CCDC60: variants seen among roughly 807,000 people sequenced by gnomAD.
The protein encoded by CCDC60 is coiled-coil domain-containing protein 60.
Under a neutral mutation model 63.5 loss-of-function variants are expected in CCDC60, and 54 were observed. That is an observed-to-expected ratio of 0.85 (90% CI 0.68 to 1.07). CCDC60 has a LOEUF of 1.07. Ranked by LOEUF, CCDC60 falls within the 50% of genes least tolerant of loss-of-function variation. The pLI is 0.00. For synonymous variants in CCDC60, 206 were observed against 238.8 expected, an observed-to-expected ratio of 0.86 and a Z score of 1.27; for missense variants, 651 against 684.3, an observed-to-expected ratio of 0.95 and a Z score of 0.54.
intron 5 of CCDC60, among the ~76,000 whole-genome samples, chr12:119,491,624 G>A (rs1230925392): frequency 2.0e-5 from 3 of 152,114 alleles, no homozygotes; most frequent in African/African-American, 4.8e-5. Flanking sequence ...CACTGTGCCC[G>A]GCCCCTTACA....
At chr12:119,352,377 G>A (rs1347098758) in intron 1 of CCDC60, among the ~76,000 whole-genome samples, 3 of 152,216 alleles carry the variant, frequency 2.0e-5, no homozygotes, top group Non-Finnish European at 4.4e-5. Flanking sequence ...AGGGTTCACT[G>A]TGTGCCAGGT....
intron 5 of CCDC60, among the ~76,000 whole-genome samples, chr12:119,499,157 CA>C (rs2136409281): frequency 6.6e-6 from 1 of 152,176 alleles, no homozygotes; most frequent in Non-Finnish European, 1.5e-5. Flanking sequence ...TCCAAAATGC[CA>C]AAATTATTAA....
chr12:119,446,519 A>C (rs575581410), intron 2 of CCDC60, among the ~76,000 whole-genome samples: 2 of 152,328 alleles, frequency 1.3e-5, no homozygotes, highest in African/African-American at 4.8e-5. Context: ...GTAGCTATAC[A>C]AAGATAAAAA....
At chr12:119,398,194 G>A (rs1031061703) in intron 1 of CCDC60, among the ~76,000 whole-genome samples, 5 of 151,258 alleles carry the variant, frequency 3.3e-5, no homozygotes, top group African/African-American at 1.2e-4. Flanking sequence ...CTGTGGGGAG[G>A]TGGCTGAGGC....
At chr12:119,430,725 G>A (rs1056428167) in intron 2 of CCDC60, among the ~76,000 whole-genome samples, 1 of 150,064 alleles carries the variant, frequency 6.7e-6, no homozygotes, top group Non-Finnish European at 1.5e-5. Flanking sequence ...TCAGCCATCT[G>A]CAAGCCTAGG....
Position 119,530,977 on chromosome 12 carries a change from C to A in CCDC60, c.1465C>A (p.Arg489=). ...LQKFGENLDL[R]IRPHVLLKVL... Reference sequence around the variant, plus strand: ...GAAGTTTGGAGAAAACCTGGACTTGCGGATTCGACCCCATGTCCTCCTGAA... The same window carrying A: ...GAAGTTTGGAGAAAACCTGGACTTGAGGATTCGACCCCATGTCCTCCTGAA... The change falls in exon 13 of 14, where the codon CGG becomes AGG. Residue 489 remains arginine (R), a synonymous_variant. Transcript: ENST00000327554. 1.9e-6 allele frequency: 3 copies of A among 1,614,132 alleles called. No individual in the cohort carries two copies. The highest frequency in any genetic ancestry group is 2.5e-6 in the Non-Finnish European group (3 of 1,179,978).
intron 1 of CCDC60, among the ~76,000 whole-genome samples, chr12:119,355,312 T>G (rs1396064889): frequency 6.6e-6 from 1 of 152,164 alleles, no homozygotes; most frequent in Non-Finnish European, 1.5e-5. Flanking sequence ...CCAGACAGAT[T>G]AGGAAGTTCC....
rs1956782875 is a variant in CCDC60 at position 119,420,006 on chromosome 12, A to T, written c.91-8677A>T. 6.6e-6 allele frequency among the ~76,000 whole-genome samples: 1 copy of T among 150,476 alleles called. No homozygotes were observed. The highest frequency in any genetic ancestry group is 2.4e-5 in the African/African-American group (1 of 40,830). ...ATTCTCCTGCCTCAGCCTCCCGAGT[A>T]GCTGGGACTACAGGCACCCACCACC... On this transcript the variant is annotated intron_variant, in intron 1 of 13. Transcript: ENST00000327554. This position sits in a 1 kb window ranked among gnomAD's most constrained non-coding sequence, Gnocchi z 4.1.
chr12:119,360,785 G>C (rs1301824194), intron 1 of CCDC60, among the ~76,000 whole-genome samples: 1 of 152,140 alleles, frequency 6.6e-6, no homozygotes, highest in African/African-American at 2.4e-5. Context: ...CAAGGCAGGC[G>C]GCTGGGAGGT....
intron 2 of CCDC60, among the ~76,000 whole-genome samples, chr12:119,440,229 TAAAATA>T (rs1950414812): frequency 6.6e-6 from 1 of 151,920 alleles, no homozygotes; most frequent in African/African-American, 2.4e-5. Context: ...AAAATAAAAT[TAAAATA>T]AAAAATAAAA....
intron 1 of CCDC60, among the ~76,000 whole-genome samples, chr12:119,367,995 C>T (rs74873236): frequency 0.058 from 8,675 of 148,418 alleles, 302 homozygotes; most frequent in Non-Finnish European, 0.071. Context: ...TTGAACTGTA[C>T]ACTTTAAATG....
At chr12:119,459,355 G>GA in intron 2 of CCDC60, among the ~76,000 whole-genome samples, 1 of 152,284 alleles carries the variant, frequency 6.6e-6, no homozygotes, top group Non-Finnish European at 1.5e-5. Context: ...ATGACAGTGA[G>GA]AAAAATCTGA....
intron 1 of CCDC60, among the ~76,000 whole-genome samples, chr12:119,363,435 G>A (rs1038466043): frequency 8.5e-5 from 13 of 152,086 alleles, no homozygotes; most frequent in African/African-American, 3.1e-4. Context: ...GTGTGTGTGT[G>A]TGTGTGTGTG....
At chr12:119,337,944 A>G (rs1436685258) in intron 1 of CCDC60, among the ~76,000 whole-genome samples, 1 of 151,968 alleles carries the variant, frequency 6.6e-6, no homozygotes, top group Non-Finnish European at 1.5e-5. Context: ...CCATAGAGAG[A>G]TGTAGAGAGT....
At chr12:119,393,265 G>T (rs1956192487) in intron 1 of CCDC60, among the ~76,000 whole-genome samples, 1 of 152,224 alleles carries the variant, frequency 6.6e-6, no homozygotes, top group South Asian at 2.1e-4. Context: ...TTGTTAAAAT[G>T]AGATTTGGGC....
intron 1 of CCDC60, among the ~76,000 whole-genome samples, chr12:119,423,406 C>T (rs1035517955): frequency 5.9e-5 from 9 of 152,142 alleles, no homozygotes; most frequent in African/African-American, 1.2e-4. Flanking sequence ...CTCTCATTTC[C>T]ATTTCCTGCT....
At chr12:119,484,014 G>C (rs574192824) in intron 4 of CCDC60, among the ~76,000 whole-genome samples, 3 of 151,406 alleles carry the variant, frequency 2.0e-5, no homozygotes, top group Middle Eastern at 3.4e-3. Flanking sequence ...TATAAACAGA[G>C]AAAAAGGACC....
chr12:119,448,178 CA>C (rs1015088853), intron 2 of CCDC60, among the ~76,000 whole-genome samples: 338 of 132,638 alleles, frequency 2.5e-3, no homozygotes, highest in Middle Eastern at 3.8e-3. Context: ...GTCTTATCAC[CA>C]AAAAAAAAAA....
intron 4 of CCDC60, chr12:119,479,587 T>G (rs1951254803): frequency 9.7e-6 from 2 of 205,174 alleles, no homozygotes; most frequent in Non-Finnish European, 2.0e-5. Flanking sequence ...TCCAGTTTTC[T>G]GACCTGAGGC....
Sources: gnomAD v4.1 joint callset for allele counts (sites outside exome capture counted in the v4.1 genomes callset) on GRCh38, gnomAD v4.1.1 for gene constraint, Gnocchi (gnomAD v3.1) non-coding constraint, MANE v1.5 for transcripts, NCBI Gene and HGNC (gene_info 2026-07-23, HGNC 2026-07-21) for gene names.